The following FAT1 variants were observed in gnomAD, a reference collection of about 807,000 sequenced individuals.
FAT1 encodes the protein FAT atypical cadherin 1, also known as protocadherin Fat 1.
In FAT1, 171 loss-of-function variants were observed where a neutral mutation model predicts 329.8. The observed-to-expected ratio is 0.52, with a 90% CI of 0.46 to 0.59. The LOEUF is 0.59. Among genes scored for constraint, FAT1 ranks in the 20% least tolerant of loss-of-function variants. The probability of loss-of-function intolerance (pLI) is 0.00; values close to 1 mark genes in which losing one functional copy is unlikely to be tolerated. For missense variants in FAT1, 5,672 were observed against 5,774.4 expected, an observed-to-expected ratio of 0.98 and a Z score of 0.57; for synonymous variants, 2,233 against 2,228.6, an observed-to-expected ratio of 1.00 and a Z score of -0.06.
At chr4:186,686,374 A>G (rs1206935896) in intron 2 of FAT1, among the ~76,000 whole-genome samples, 2 of 152,144 alleles carry the variant, frequency 1.3e-5, no homozygotes, top group Admixed American at 1.3e-4. Context: ...AGTATGCAAC[A>G]CTAAGCTAAT....
intron 2 of FAT1, among the ~76,000 whole-genome samples, chr4:186,665,929 C>T (rs186593226): frequency 0.013 from 2,024 of 151,058 alleles, 29 homozygotes; most frequent in Middle Eastern, 0.027. Context: ...AGCAAACTAT[C>T]GCAAGGACAA....
In FAT1 at chr4:186,600,209, T is replaced by C. The variant is rs1367077404; in HGVS notation, c.11792A>G (p.His3931Arg). The change falls in exon 22 of 27, where the codon CAT (histidine) becomes CGT (arginine). Residue 3931 changes from histidine (H) to arginine (R), a missense_variant. This residue lies in a region of FAT1 where 1,706 missense variants were observed against 1,859.1 expected (regional missense o/e 0.92). Coordinates refer to ENST00000441802, the MANE Select transcript of FAT1 (RefSeq NM_005245.4). ...CCCTGGGGCTGTGCCCGATGCAGTA[T>C]GAACTTGGTCTAGAACCAAGCGAGC... is the stretch of plus-strand genomic sequence containing the variant. ...NYARLVLDQV[H>R]TASGTAPGTL... The C allele has an allele frequency of 4.3e-6, 7 of 1,613,962 alleles. No individual in the cohort carries two copies. Among genetic ancestry groups the C allele is most frequent in the Non-Finnish European group, 5.9e-6 (7 of 1,179,914 alleles).
chr4:186,716,036 G>C (rs956761083), intron 1 of FAT1, among the ~76,000 whole-genome samples: 2 of 152,072 alleles, frequency 1.3e-5, no homozygotes, highest in Admixed American at 1.3e-4. Flanking sequence ...ATATATTCAA[G>C]TGTTTAGATG....
chr4:186,718,718 C>T (rs1020391809), intron 1 of FAT1, among the ~76,000 whole-genome samples: 3 of 152,144 alleles, frequency 2.0e-5, no homozygotes, highest in Non-Finnish European at 2.9e-5. Context: ...ACCTTTGCTT[C>T]TTTCAAACAA....
At position 186,707,926 on chromosome 4, in the gene FAT1, T is replaced by A. The variant is rs1306120709; in HGVS notation, c.1902A>T (p.Leu634Phe). The A allele has an allele frequency of 6.2e-7, 1 of 1,614,018 alleles. No homozygotes were observed. Among genetic ancestry groups the A allele is most frequent in the South Asian group, 1.1e-5 (1 of 91,078 alleles). The change falls in exon 2 of 27, where the codon TTA becomes TTT. Residue 634 changes from leucine (L) to phenylalanine (F), a missense_variant. By Grantham distance (22) the Leu-to-Phe change is conservative. This residue lies in a region of FAT1 where 3,966 missense variants were observed against 3,915.2 expected (regional missense o/e 1.01). Transcript: ENST00000441802. ...LSLKRSLMDG[L>F]GAKVSFHSLR... ...GACTGTGGAAAGACACCTTTGCACC[T>A]AAGCCATCCATTAGCGATCGCTTTA... is the stretch of plus-strand genomic sequence containing the variant.
chr4:186,614,490 C>T (rs940830164), intron 11 of FAT1, 146 bp from the exon 12 acceptor site: 23 of 568,080 alleles, frequency 4.0e-5, no homozygotes, highest in Non-Finnish European at 4.2e-5. Flanking sequence ...GCTTTGAAAA[C>T]GATTTTTCTC....
intron 20 of FAT1, 123 bp from the exon 21 acceptor site, chr4:186,601,549 A>T (rs1738822265): frequency 4.4e-6 from 3 of 688,054 alleles, no homozygotes; most frequent in Non-Finnish European, 6.7e-6. Context: ...ACATTTTACT[A>T]TCCAATTCTG....
At chr4:186,702,875 A>T (rs926141219) in intron 2 of FAT1, among the ~76,000 whole-genome samples, 4 of 152,232 alleles carry the variant, frequency 2.6e-5, no homozygotes, top group African/African-American at 9.6e-5. Flanking sequence ...CGAACCCTGA[A>T]TGTGGGATTA....
chr4:186,652,515 A>G lies in FAT1; in HGVS notation c.3580+10784T>C, dbSNP rs548396094. Among the ~76,000 whole-genome samples, 12 of 152,346 alleles carry G rather than the reference A, an allele frequency of 7.9e-5. No homozygotes were observed. In the South Asian group the frequency reaches 2.5e-3, roughly 32 times the overall value. On this transcript the variant is annotated intron_variant, in intron 3 of 26. Coordinates refer to ENST00000441802, the MANE Select transcript of FAT1 (RefSeq NM_005245.4). ...ATTTGACTTCTTGCAAACTTTAGGG[A>G]TGATATACTTCACTTATTTTATAAA...
At chr4:186,700,280 GGCA>G (rs1407887063) in intron 2 of FAT1, among the ~76,000 whole-genome samples, 3 of 152,140 alleles carry the variant, frequency 2.0e-5, no homozygotes, top group Non-Finnish European at 4.4e-5. Flanking sequence ...AGTTCAGATG[GGCA>G]GCATTTTTAC....
At chr4:186,610,764 A>G (rs1019944462) in intron 14 of FAT1, among the ~76,000 whole-genome samples, 4 of 126,848 alleles carry the variant, frequency 3.2e-5, no homozygotes, top group African/African-American at 1.0e-4. Context: ...TATAAATTTG[A>G]ATGGAGCAAC....
chr4:186,665,330 A>G (rs927447302), intron 2 of FAT1, among the ~76,000 whole-genome samples: 10 of 152,122 alleles, frequency 6.6e-5, no homozygotes, highest in Non-Finnish European at 1.5e-4. Flanking sequence ...AAGTGTTCCT[A>G]TTTCTCCACA....
Position 186,708,575 on chromosome 4 carries a change from C to A in FAT1, c.1253G>T (p.Gly418Val), listed in dbSNP as rs1393885947. The change falls in exon 2 of 27, where the codon GGT becomes GTT. Residue 418 changes from glycine to valine, a missense_variant. Gly to Val is a moderately radical substitution (Grantham distance 109). Around this residue, in one of 2 missense-constraint regions of FAT1, gnomAD observed 3,966 missense variants for 3,915.2 expected, o/e 1.01. Coordinates refer to ENST00000441802, the MANE Select transcript of FAT1 (RefSeq NM_005245.4). ...KAKFSLNYNTGLISILEPVKR... is the reference protein window; with the variant it reads ...KAKFSLNYNTVLISILEPVKR... ...AACTGGTTCTAAAATAGAAATGAGACCAGTGTTGTAATTTAAACTGAATTT... is the reference window on the plus strand; with the variant it reads ...AACTGGTTCTAAAATAGAAATGAGAACAGTGTTGTAATTTAAACTGAATTT... 1.2e-6 allele frequency: 2 copies of A among 1,613,888 alleles called. No individual in the cohort carries two copies. Among genetic ancestry groups the A allele is most frequent in the Non-Finnish European group, 1.7e-6 (2 of 1,179,874 alleles).
rs918864384 is a variant in FAT1, at chr4:186,611,658, A to G, written c.9581T>C (p.Val3194Ala). Reference protein sequence around the residue: ...EKPLDRELQAVYTLSLKAVDQ... With the variant: ...EKPLDRELQAAYTLSLKAVDQ... ...CACAGCTTTCAAAGAGAGGGTGTAT[A>G]CTGCCTGGAGTTCTCTGTCCAAAGG... Residue 3194 changes from valine to alanine, a missense_variant, in exon 14 of 27, where the codon GTA becomes GCA. Physicochemically the swap from Val to Ala is moderately conservative, Grantham distance 64. Around this residue, in one of 2 missense-constraint regions of FAT1, gnomAD observed 1,706 missense variants for 1,859.1 expected, o/e 0.92. Transcript: ENST00000441802. The G allele has an allele frequency of 2.5e-6, 4 of 1,612,644 alleles. No homozygotes were observed. Among genetic ancestry groups the G allele is most frequent in the African/African-American group, 2.7e-5 (2 of 74,892 alleles).
chr4:186,709,330 G>C lies in FAT1; in HGVS notation c.498C>G (p.Thr166=), dbSNP rs1251767166. The change falls in exon 2 of 27, where the codon ACC becomes ACG. Residue 166 remains threonine (T), a synonymous_variant. Coordinates refer to ENST00000441802, the MANE Select transcript of FAT1 (RefSeq NM_005245.4). ...CCGTGGCGCTGACTCTTGCGATACT[G>C]GTCCTTATAGCTGTGTTTTCAGGTA... ...VSLPENTAIR[T]SIARVSATDA... 1 of 1,613,934 alleles carries C rather than the reference G, an allele frequency of 6.2e-7. No homozygotes were observed. The highest frequency in any genetic ancestry group is 8.5e-7 in the Non-Finnish European group (1 of 1,179,880).
intron 3 of FAT1, among the ~76,000 whole-genome samples, chr4:186,643,493 G>C (rs1741196548): frequency 6.6e-6 from 1 of 152,076 alleles, no homozygotes; most frequent in Non-Finnish European, 1.5e-5. Flanking sequence ...TGTCCTATGG[G>C]GGTGGCACCA....
chr4:186,713,690 C>G (rs1745075356), intron 1 of FAT1, among the ~76,000 whole-genome samples: 2 of 152,122 alleles, frequency 1.3e-5, no homozygotes, highest in South Asian at 4.1e-4. Context: ...GAGTCTCGCT[C>G]TCTCACCCAG....
At chr4:186,675,403 G>C (rs1459092662) in intron 2 of FAT1, among the ~76,000 whole-genome samples, 1 of 152,038 alleles carries the variant, frequency 6.6e-6, no homozygotes, top group Non-Finnish European at 1.5e-5. Flanking sequence ...GGAGGCGGAG[G>C]TTGCAGTGAG....
intron 2 of FAT1, among the ~76,000 whole-genome samples, chr4:186,705,409 T>A (rs888360037): frequency 6.6e-6 from 1 of 152,194 alleles, no homozygotes; most frequent in Non-Finnish European, 1.5e-5. Context: ...AGGTCCCTTT[T>A]AAAATGCACA....
Sources: gnomAD v4.1 joint callset for allele counts (sites outside exome capture counted in the v4.1 genomes callset) on GRCh38, gnomAD v4.1.1 for gene constraint, gnomAD v4.1.1 regional missense constraint, MANE v1.5 for transcripts, NCBI Gene and HGNC (gene_info 2026-07-23, HGNC 2026-07-21) for gene names.